ARHGAP31: variants seen among roughly 807,000 people sequenced by gnomAD.
ARHGAP31 encodes the protein Rho GTPase activating protein 31, also known as rho GTPase-activating protein 31.
Under a neutral mutation model 113.9 loss-of-function variants are expected in ARHGAP31, and 34 were observed. The observed-to-expected ratio is 0.30, with a 90% confidence interval of 0.23 to 0.40. The LOEUF is 0.40. Among genes scored for constraint, ARHGAP31 ranks in the 10% least tolerant of loss-of-function variants. The probability of loss-of-function intolerance (pLI) is 1.00; values close to 1 mark genes in which losing one functional copy is unlikely to be tolerated. For missense variants in ARHGAP31, 1,548 were observed against 1,767.1 expected (o/e 0.88, Z 2.22); for synonymous variants, 650 against 684.8 (o/e 0.95, Z 0.79).
At position 119,414,280 on chromosome 3, in the gene ARHGAP31, C is replaced by T. The variant is rs368591462; in HGVS notation, c.2351C>T (p.Ala784Val). ...AATCTGTCTCCTCCACTCCCACCTG[C>T]TCCTCCCCCTCCAACTCCTCTGGAG... ...PGNLSPPLPPAPPPPTPLEES... is the reference protein window; with the variant it reads ...PGNLSPPLPPVPPPPTPLEES... The change falls in exon 12 of 12, where the codon GCT becomes GTT. Residue 784 changes from alanine to valine, a missense_variant. Transcript: ENST00000264245. 5 of 1,614,198 alleles carry T rather than the reference C, an allele frequency of 3.1e-6. No homozygotes were observed. The highest frequency in any genetic ancestry group is 3.4e-6 in the Non-Finnish European group (4 of 1,180,030).
rs79784439 is a variant in ARHGAP31 at position 119,374,924 on chromosome 3, G to A, written c.349-5980G>A. On this transcript the variant is annotated intron_variant, in intron 3 of 11. Transcript: ENST00000264245. ...ACACACCATAATATAAAGTTAAATG[G>A]GGAAAAAAGCAGTATCTGTAACTAA... Among the ~76,000 whole-genome samples the A allele has an allele frequency of 8.0e-3, 1,213 of 151,982 alleles. 12 individuals are homozygous for A. Among genetic ancestry groups the A allele is most frequent in the African/African-American group, 0.026 (1,059 of 41,524 alleles).
At chr3:119,336,225 ATTCAT>A (rs1475949836) in intron 1 of ARHGAP31, among the ~76,000 whole-genome samples, 1 of 152,232 alleles carries the variant, frequency 6.6e-6, no homozygotes, top group Non-Finnish European at 1.5e-5. Context: ...TCTACAGAAG[ATTCAT>A]TTAACTATAA....
chr3:119,301,258 T>A (rs2079582252), intron 1 of ARHGAP31, among the ~76,000 whole-genome samples: 1 of 152,162 alleles, frequency 6.6e-6, no homozygotes, highest in Non-Finnish European at 1.5e-5. Context: ...CCAGATGCCT[T>A]CCAGCTTCAG....
chr3:119,336,171 G>A (rs984125507), intron 1 of ARHGAP31, among the ~76,000 whole-genome samples: 9 of 152,062 alleles, frequency 5.9e-5, no homozygotes, highest in Admixed American at 3.3e-4. Context: ...GTGAAACTTG[G>A]TCTCAAAAAA....
chr3:119,309,604 A>G (rs1163985973), intron 1 of ARHGAP31, among the ~76,000 whole-genome samples: 1 of 151,364 alleles, frequency 6.6e-6, no homozygotes, highest in East Asian at 1.9e-4. Context: ...AAAAAAAAAT[A>G]CAAATATTAG....
chr3:119,385,467 G>A (rs1161882944), intron 6 of ARHGAP31, among the ~76,000 whole-genome samples: 1 of 152,060 alleles, frequency 6.6e-6, no homozygotes, highest in Non-Finnish European at 1.5e-5. Context: ...ATATATGTAG[G>A]AGTGGCTGGC....
intron 1 of ARHGAP31, among the ~76,000 whole-genome samples, chr3:119,327,536 C>A (rs1221044528): frequency 6.6e-6 from 1 of 152,184 alleles, no homozygotes; most frequent in Non-Finnish European, 1.5e-5. Flanking sequence ...CACAGCGAGA[C>A]AATGTCTCAA....
At chr3:119,390,336 C>A (rs2080492420) in intron 6 of ARHGAP31, among the ~76,000 whole-genome samples, 1 of 152,118 alleles carries the variant, frequency 6.6e-6, no homozygotes, top group South Asian at 2.1e-4. Flanking sequence ...ATGTGCTGTC[C>A]AGCTGTGGGG....
At chr3:119,388,831 G>A (rs769093297) in intron 6 of ARHGAP31, among the ~76,000 whole-genome samples, 4 of 152,070 alleles carry the variant, frequency 2.6e-5, no homozygotes, top group African/African-American at 4.8e-5. Context: ...AGCACAGATC[G>A]CAAGCTCTGT....
Position 119,414,106 on chromosome 3 carries a change from G to A in ARHGAP31, c.2177G>A (p.Ser726Asn). ...EVWTRDPANQ[S>N]TQGASTAASR... ...TGGACTAGGGATCCAGCCAATCAGA[G>A]CACACAGGGGGCTTCCACAGCAGCC... Residue 726 changes from serine to asparagine, a missense_variant, in exon 12 of 12, where the codon AGC becomes AAC. Ser to Asn is a conservative substitution (Grantham distance 46). Coordinates refer to ENST00000264245, the MANE Select transcript of ARHGAP31 (RefSeq NM_020754.4). The A allele has an allele frequency of 6.2e-7, 1 of 1,614,162 alleles. No individual in the cohort carries two copies. The highest frequency in any genetic ancestry group is 8.5e-7 in the Non-Finnish European group (1 of 1,180,022).
chr3:119,337,245 C>T (rs367814191), intron 1 of ARHGAP31, among the ~76,000 whole-genome samples: 2 of 152,136 alleles, frequency 1.3e-5, no homozygotes, highest in Non-Finnish European at 2.9e-5. Context: ...AGACTTGCTT[C>T]CTTCTGGTGG....
intron 3 of ARHGAP31, among the ~76,000 whole-genome samples, chr3:119,369,303 C>T (rs1383973460): frequency 6.6e-6 from 1 of 151,944 alleles, no homozygotes; most frequent in Non-Finnish European, 1.5e-5. Flanking sequence ...GAGATGAGAG[C>T]GTGTGCTGGG....
At position 119,399,207 on chromosome 3, in the gene ARHGAP31, G is replaced by A; in HGVS notation, c.1015G>A (p.Ala339Thr). 6.2e-7 allele frequency: 1 copy of A among 1,613,474 alleles called. No homozygotes were observed. Among genetic ancestry groups the A allele is most frequent in the Non-Finnish European group, 8.5e-7 (1 of 1,179,398 alleles). ...TTTTCTTTTGTCTTTAGTGGAAAAG[G>A]CTACTATCCGACCAGCTAAAAGCAT... is the stretch of plus-strand genomic sequence containing the variant. Reference protein sequence around the residue: ...VRGQRLSVEKATIRPAKSMDS... With the variant: ...VRGQRLSVEKTTIRPAKSMDS... The change falls in exon 9 of 12, where the codon GCT becomes ACT. Residue 339 changes from alanine to threonine, a missense_variant. Physicochemically the swap from Ala to Thr is moderately conservative, Grantham distance 58. Transcript: ENST00000264245.
intron 10 of ARHGAP31, among the ~76,000 whole-genome samples, chr3:119,402,739 T>A (rs1368605135): frequency 6.6e-6 from 1 of 152,244 alleles, no homozygotes; most frequent in East Asian, 1.9e-4. Context: ...TATTATTTTA[T>A]TTGCTCACAG....
chr3:119,373,664 A>G (rs888612839), intron 3 of ARHGAP31, among the ~76,000 whole-genome samples: 6 of 152,086 alleles, frequency 3.9e-5, no homozygotes, highest in African/African-American at 1.4e-4. Flanking sequence ...GGGTTTCACC[A>G]TGTTGACCAG....
chr3:119,350,351 C>A (rs1351878661), intron 1 of ARHGAP31, among the ~76,000 whole-genome samples: 1 of 152,092 alleles, frequency 6.6e-6, no homozygotes, highest in Non-Finnish European at 1.5e-5. Flanking sequence ...TGGGGCACAG[C>A]GAGGAACTGA....
intron 11 of ARHGAP31, among the ~76,000 whole-genome samples, chr3:119,412,391 CAA>C (rs55718610): frequency 3.0e-4 from 38 of 127,120 alleles, no homozygotes; most frequent in African/African-American, 8.2e-4. Context: ...TCTTTTGTCT[CAA>C]AAAAAAAAAA....
intron 1 of ARHGAP31, among the ~76,000 whole-genome samples, chr3:119,296,155 G>C (rs2079532421): frequency 6.6e-6 from 1 of 152,164 alleles, no homozygotes; most frequent in African/African-American, 2.4e-5. Context: ...CAATGCTTTT[G>C]TTTCACTTCT....
intron 8 of ARHGAP31, among the ~76,000 whole-genome samples, chr3:119,397,898 A>G (rs886188462): frequency 3.9e-5 from 6 of 152,230 alleles, no homozygotes; most frequent in African/African-American, 1.4e-4. Flanking sequence ...TTTAATGGGT[A>G]CTTACTCTAT....
Sources: gnomAD v4.1 joint callset for allele counts (sites outside exome capture counted in the v4.1 genomes callset) on GRCh38, gnomAD v4.1.1 for gene constraint, MANE v1.5 for transcripts, NCBI Gene and HGNC (gene_info 2026-07-23, HGNC 2026-07-21) for gene names.